Variants in ULK2 observed in about 807,000 individuals in gnomAD.
ULK2 encodes the protein unc-51 like autophagy activating kinase 2.
ULK2 carries 76 observed loss-of-function variants against 127.5 expected under a neutral mutation model. The observed-to-expected ratio is 0.60, with a 90% confidence interval of 0.50 to 0.72. The LOEUF (loss-of-function observed/expected upper bound fraction) is 0.72. Ranked by LOEUF, ULK2 falls within the 30% of genes least tolerant of loss-of-function variation. The pLI is 0.00. For missense variants in ULK2, 1,144 were observed against 1,295.9 expected, an observed-to-expected ratio of 0.88 and a Z score of 1.80; for synonymous variants, 452 against 461.9, an observed-to-expected ratio of 0.98 and a Z score of 0.28.
At position 19,867,520 on chromosome 17, in the gene ULK2, G is replaced by A. The variant is rs1006006370; in HGVS notation, c.-103C>T. 7 of 764,076 alleles carry A rather than the reference G, an allele frequency of 9.2e-6. No homozygotes were observed. The highest frequency in any genetic ancestry group is 1.1e-5 in the Non-Finnish European group (6 of 557,374). 47.3% of individuals were successfully genotyped at this position (764,076 alleles called of 1,614,324 possible). A position where few individuals can be genotyped will look rare whatever the true frequency, so the allele number is the denominator to read the frequency against. The stretch of plus-strand genomic sequence containing the variant: ...CCCGGAGCGCGCCAGCGTGCGGCGG[G>A]TCTGGGGCAGCCGCAGCCCCGGGCC... On this transcript the variant is annotated 5_prime_UTR_variant, in exon 1 of 27. Coordinates refer to ENST00000395544, the MANE Select transcript of ULK2 (RefSeq NM_014683.4).
At chr17:19,779,247 C>T (rs1418909693) in intron 25 of ULK2, among the ~76,000 whole-genome samples, 3 of 151,974 alleles carry the variant, frequency 2.0e-5, no homozygotes, top group Non-Finnish European at 4.4e-5. Flanking sequence ...ATACAATTGG[C>T]ATGCCGGGCA....
At chr17:19,855,458 G>C (rs2042105696) in intron 3 of ULK2, among the ~76,000 whole-genome samples, 2 of 150,718 alleles carry the variant, frequency 1.3e-5, no homozygotes. Flanking sequence ...TAATTAGCCG[G>C]GTGTGGTAGC....
intron 11 of ULK2, 141 bp from the exon 12 acceptor site, chr17:19,825,323 T>C: frequency 3.1e-6 from 2 of 648,424 alleles, no homozygotes; most frequent in Middle Eastern, 2.5e-4. Flanking sequence ...CATCTGCTGA[T>C]GAAACTAAAA....
intron 20 of ULK2, among the ~76,000 whole-genome samples, chr17:19,794,197 A>C (rs551856422): frequency 7.7e-4 from 117 of 152,306 alleles, no homozygotes; most frequent in Non-Finnish European, 1.1e-3. Flanking sequence ...GAATGAAAGA[A>C]GAAGAAGAAG....
intron 10 of ULK2, among the ~76,000 whole-genome samples, chr17:19,835,376 C>T (rs2041567402): frequency 6.6e-6 from 1 of 151,070 alleles, no homozygotes; most frequent in Non-Finnish European, 1.5e-5. Flanking sequence ...CCACCACACC[C>T]GGCCTCAACT....
At chr17:19,830,511 TAA>T (rs1168406324) in intron 10 of ULK2, among the ~76,000 whole-genome samples, 1 of 151,852 alleles carries the variant, frequency 6.6e-6, no homozygotes, top group Non-Finnish European at 1.5e-5. Flanking sequence ...CCATAAATTT[TAA>T]AAGATTGTAA....
At chr17:19,861,540 G>A (rs952104746) in intron 3 of ULK2, among the ~76,000 whole-genome samples, 3 of 150,216 alleles carry the variant, frequency 2.0e-5, no homozygotes, top group African/African-American at 2.5e-5. Context: ...ACGAGACTCC[G>A]TCTCAAAAAA....
chr17:19,851,595 G>C (rs926197048), intron 3 of ULK2, among the ~76,000 whole-genome samples: 1 of 151,604 alleles, frequency 6.6e-6, no homozygotes, highest in Admixed American at 6.6e-5. Flanking sequence ...AGCTGAGACC[G>C]CGCCACTGCA....
chr17:19,786,281 A>AT (rs1458052069), intron 20 of ULK2, among the ~76,000 whole-genome samples, 195 bp from the exon 21 acceptor site: 1 of 152,148 alleles, frequency 6.6e-6, no homozygotes, highest in Non-Finnish European at 1.5e-5. Flanking sequence ...AACTTATAGT[A>AT]ATCTCAAGTG....
chr17:19,843,188 G>C lies in ULK2; in HGVS notation c.578C>G (p.Ala193Gly). ...PEVIMSQHYD[A>G]KADLWSIGTV... is the part of the protein sequence containing the mutation. ...TCCTATGCTCCACAAGTCAGCCTTA[G>C]CATCATAATGTTGAGACATAATAAC... The change falls in exon 8 of 27, where the codon GCT (alanine) becomes GGT (glycine). Residue 193 changes from alanine to glycine, a missense_variant. Coordinates refer to ENST00000395544, the MANE Select transcript of ULK2 (RefSeq NM_014683.4). 2 of 1,594,966 alleles carry C rather than the reference G, an allele frequency of 1.3e-6. No homozygotes were observed.
At chr17:19,799,727 C>T (rs151045348) in intron 16 of ULK2, 152 bp from the exon 17 acceptor site, 3 of 659,360 alleles carry the variant, frequency 4.5e-6, no homozygotes, top group Non-Finnish European at 7.3e-6. Flanking sequence ...CTAACATTTA[C>T]TGGACAACCA....
Position 19,780,856 on chromosome 17 carries a change from A to G in ULK2, c.2758+130T>C, listed in dbSNP as rs148350023. The G allele has an allele frequency of 6.4e-5, 65 of 1,018,786 alleles. No individual in the cohort carries two copies. In the African/African-American group the frequency reaches 1.0e-3, roughly 16 times the overall value. 63.1% of individuals were successfully genotyped at this position (1,018,786 alleles called of 1,614,324 possible). Reference sequence around the variant, plus strand: ...AACTGCAAAAAGCTAACAACCCAGCATCTTTTCCCTTTAAGAATACTGAAA... The same window carrying G: ...AACTGCAAAAAGCTAACAACCCAGCGTCTTTTCCCTTTAAGAATACTGAAA... On this transcript the variant is annotated intron_variant, in intron 24 of 26. Coordinates refer to ENST00000395544, the MANE Select transcript of ULK2 (RefSeq NM_014683.4).
At chr17:19,862,935 C>T (rs541820799) in intron 3 of ULK2, among the ~76,000 whole-genome samples, 35 of 151,918 alleles carry the variant, frequency 2.3e-4, no homozygotes, top group Non-Finnish European at 4.3e-4. Context: ...CAAAGCAGAC[C>T]GGGAGTGGTG....
chr17:19,828,462 A>C (rs1171287371), intron 10 of ULK2, among the ~76,000 whole-genome samples: 1 of 152,236 alleles, frequency 6.6e-6, no homozygotes, highest in African/African-American at 2.4e-5. Flanking sequence ...AATTTGTGAT[A>C]TCAACATAAA....
intron 10 of ULK2, among the ~76,000 whole-genome samples, chr17:19,835,211 G>T (rs1471139948): frequency 6.7e-6 from 1 of 150,256 alleles, no homozygotes; most frequent in African/African-American, 2.4e-5. Flanking sequence ...GTGTAGTGGC[G>T]CGATCTTGGC....
intron 13 of ULK2, among the ~76,000 whole-genome samples, chr17:19,814,390 A>G (rs976950684): frequency 1.4e-5 from 2 of 144,852 alleles, no homozygotes; most frequent in South Asian, 2.2e-4. Context: ...ACATGTACAC[A>G]AGAATGTCTG....
chr17:19,801,659 C>T (rs2087401283), intron 16 of ULK2, 118 bp downstream of exon 16: 1 of 1,365,412 alleles, frequency 7.3e-7, no homozygotes, highest in Non-Finnish European at 1.0e-6. Context: ...GGGGTATGGC[C>T]TCCAATCAGC....
intron 10 of ULK2, among the ~76,000 whole-genome samples, chr17:19,835,491 C>T (rs1295938927): frequency 1.8e-4 from 27 of 146,240 alleles, no homozygotes; most frequent in Admixed American, 1.6e-3. Flanking sequence ...CCGAGGTGGG[C>T]GGATCACGAG....
At chr17:19,864,913 A>G in intron 2 of ULK2, 69 bp from the exon 3 acceptor site, 1 of 729,768 alleles carries the variant, frequency 1.4e-6, no homozygotes, top group Non-Finnish European at 2.0e-6. Context: ...TAATATGTAA[A>G]TAAAATTAAA....
Sources: allele counts gnomAD v4.1 joint callset (sites outside exome capture counted in the v4.1 genomes callset), GRCh38; gene constraint gnomAD v4.1.1; transcripts MANE v1.5; gene names NCBI Gene and HGNC (gene_info 2026-07-23, HGNC 2026-07-21).